The following CRISPLD2 variants were observed in gnomAD, a reference collection of about 807,000 sequenced individuals.
The protein encoded by CRISPLD2 is cysteine-rich secretory protein LCCL domain-containing 2.
Under a neutral mutation model 71.1 loss-of-function variants are expected in CRISPLD2, and 47 were observed. That is an observed-to-expected ratio of 0.66 (90% confidence interval 0.52 to 0.84). The LOEUF (loss-of-function observed/expected upper bound fraction) is 0.84. Among genes scored for constraint, CRISPLD2 ranks in the 40% least tolerant of loss-of-function variants. The pLI is 0.00. For missense variants in CRISPLD2, 830 were observed against 651.1 expected (o/e 1.27, Z -2.99); for synonymous variants, 317 against 250.1 (o/e 1.27, Z -2.52).
At chr16:84,828,959 C>G (rs1009485025) in intron 1 of CRISPLD2, 1 of 152,058 alleles carries the variant, frequency 6.6e-6, no homozygotes. Context: ...CCTGTAGTCC[C>G]AGCTACTCGG....
intron 11 of CRISPLD2, among the ~76,000 whole-genome samples, chr16:84,875,356 C>T (rs1212952490): frequency 1.3e-5 from 2 of 150,180 alleles, no homozygotes; most frequent in Admixed American, 6.6e-5. Context: ...CCCAGGACGA[C>T]TCTGAATGTG....
chr16:84,825,616 C>T (rs1331837576), intron 1 of CRISPLD2, among the ~76,000 whole-genome samples: 3 of 151,946 alleles, frequency 2.0e-5, no homozygotes, highest in Admixed American at 2.0e-4. Context: ...ATTAGCTAGG[C>T]GTGGTGGTGC....
At chr16:84,875,420 T>C (rs1036701691) in intron 11 of CRISPLD2, among the ~76,000 whole-genome samples, 2 of 149,582 alleles carry the variant, frequency 1.3e-5, no homozygotes, top group Non-Finnish European at 3.0e-5. Flanking sequence ...TGGACTTTTT[T>C]TTTTTTTTTT....
chr16:84,894,049 C>CG (rs2071685040), intron 14 of CRISPLD2, among the ~76,000 whole-genome samples: 1 of 152,342 alleles, frequency 6.6e-6, no homozygotes, highest in African/African-American at 2.4e-5. Flanking sequence ...TCTCAGCACA[C>CG]GGGGCCGAAG....
chr16:84,840,400 A>C (rs1374892404), intron 2 of CRISPLD2, among the ~76,000 whole-genome samples: 5 of 152,272 alleles, frequency 3.3e-5, no homozygotes, highest in African/African-American at 1.2e-4. Flanking sequence ...GGACTTGTAC[A>C]AACCACACAG....
chr16:84,873,267 C>G, intron 10 of CRISPLD2, 145 bp downstream of exon 10: 1 of 893,234 alleles, frequency 1.1e-6, no homozygotes, highest in Non-Finnish European at 1.7e-6. Context: ...CACCTGAGGT[C>G]AGGAGTTCAA....
intron 13 of CRISPLD2, among the ~76,000 whole-genome samples, chr16:84,884,392 G>A (rs191268238): frequency 1.3e-3 from 191 of 152,324 alleles, no homozygotes; most frequent in Non-Finnish European, 2.6e-4. Context: ...ATAGAACAAA[G>A]ACATGTAAAG....
intron 8 of CRISPLD2, 48 bp from the exon 9 acceptor site, chr16:84,872,394 T>C (rs573913693): frequency 6.9e-7 from 1 of 1,443,224 alleles, no homozygotes. Context: ...TTGTGAGATG[T>C]AATCAACGTG....
intron 2 of CRISPLD2, among the ~76,000 whole-genome samples, chr16:84,843,689 A>G (rs998950394): frequency 6.7e-6 from 1 of 149,624 alleles, no homozygotes; most frequent in Non-Finnish European, 1.5e-5. Flanking sequence ...AGTATATTGC[A>G]CAGTCAGCAT....
rs1031968488 is a variant in CRISPLD2, at chr16:84,906,905, T to C, written c.*263T>C. The stretch of plus-strand genomic sequence containing the variant: ...CTCCATCTGGACGTCCTCTCTCCTT[T>C]AGAGATCTGAGCTGTCTCTTAAAGG... On this transcript the variant is annotated 3_prime_UTR_variant, in exon 15 of 15. Coordinates refer to ENST00000262424, the MANE Select transcript of CRISPLD2 (RefSeq NM_031476.4). 2 of 552,080 alleles carry C rather than the reference T, an allele frequency of 3.6e-6. No individual in the cohort carries two copies. The highest frequency in any genetic ancestry group is 3.1e-5 in the Admixed American group (1 of 32,558). 34.2% of individuals were successfully genotyped at this position (552,080 alleles called of 1,614,324 possible). A position where few individuals can be genotyped will look rare whatever the true frequency, so the allele number is the denominator to read the frequency against.
intron 6 of CRISPLD2, among the ~76,000 whole-genome samples, chr16:84,856,789 G>A (rs745346764): frequency 6.6e-6 from 1 of 152,148 alleles, no homozygotes; most frequent in Non-Finnish European, 1.5e-5. Flanking sequence ...GAATGTTGGG[G>A]AACATGGTAA....
Position 84,904,602 on chromosome 16 carries a change from A to AC in CRISPLD2, c.1440-1986_1440-1985insC, listed in dbSNP as rs36123529. The stretch of plus-strand genomic sequence containing the variant: ...CGGTCTCAAAAAAAGGTAAAAAAAA[A>AC]AATTTAAAAAAAAAATTAAAAAAAA... On this transcript the variant is annotated intron_variant, in intron 14 of 14. Transcript: ENST00000262424. Among the ~76,000 whole-genome samples the AC allele has an allele frequency of 2.6e-3, 372 of 145,822 alleles. 1 individual carries two copies. Among genetic ancestry groups the AC allele is most frequent in the African/African-American group, 5.6e-3 (219 of 39,114 alleles).
chr16:84,843,362 T>C (rs1916827859), intron 2 of CRISPLD2, among the ~76,000 whole-genome samples: 1 of 152,208 alleles, frequency 6.6e-6, no homozygotes, highest in South Asian at 2.1e-4. Flanking sequence ...TGCTCAACCC[T>C]GCCTGCTGTG....
intron 3 of CRISPLD2, among the ~76,000 whole-genome samples, chr16:84,848,421 C>G (rs113626769): frequency 2.6e-5 from 4 of 151,296 alleles, no homozygotes; most frequent in Middle Eastern, 3.4e-3. Context: ...GACAGTGTGA[C>G]TGTGGACTTG....
intron 12 of CRISPLD2, among the ~76,000 whole-genome samples, chr16:84,879,709 C>G (rs988032994): frequency 6.6e-6 from 1 of 151,948 alleles, no homozygotes; most frequent in African/African-American, 2.4e-5. Context: ...TCTCTACCCA[C>G]TCATTTCCCT....
chr16:84,841,805 G>A (rs1360183555), intron 2 of CRISPLD2, among the ~76,000 whole-genome samples: 5 of 152,178 alleles, frequency 3.3e-5, no homozygotes, highest in African/African-American at 9.7e-5. Context: ...ATGTTGGCCA[G>A]GCTGGTCTCA....
chr16:84,909,174 A>C lies in CRISPLD2; in HGVS notation c.*2532A>C, dbSNP rs539348114. ...TTTAAAAAGATCTTGTACCAAGCCA[A>C]CGGCGTTCCTGGCTCTCCTGCCCAC... On this transcript the variant is annotated 3_prime_UTR_variant, in exon 15 of 15. Transcript: ENST00000262424. The C allele has an allele frequency of 6.6e-6, 1 of 152,654 alleles. No individual in the cohort carries two copies. Among genetic ancestry groups the C allele is most frequent in the African/African-American group, 2.4e-5 (1 of 41,452 alleles). 9.5% of individuals were successfully genotyped at this position (152,654 alleles called of 1,614,324 possible). A position where few individuals can be genotyped will look rare whatever the true frequency, so the allele number is the denominator to read the frequency against.
At chr16:84,903,303 G>T (rs961210001) in intron 14 of CRISPLD2, among the ~76,000 whole-genome samples, 4 of 151,718 alleles carry the variant, frequency 2.6e-5, no homozygotes, top group Non-Finnish European at 5.9e-5. Flanking sequence ...ATTCCGGAAA[G>T]TATCCTTAGA....
At position 84,845,918 on chromosome 16, in the gene CRISPLD2, G is replaced by A. The variant is rs1317419212; in HGVS notation, c.359+14G>A. 1 of 1,558,256 alleles carries A rather than the reference G, an allele frequency of 6.4e-7. No homozygotes were observed. Among genetic ancestry groups the A allele is most frequent in the Non-Finnish European group, 8.8e-7 (1 of 1,130,842 alleles). On this transcript the variant is annotated intron_variant, in intron 3 of 14. Transcript: ENST00000262424. ...TCACTGGGGCAGGTAAGAGCCACAAGTTCCTCTCCGGCTGCCGCAGGACCC... is the reference window on the plus strand; with the variant it reads ...TCACTGGGGCAGGTAAGAGCCACAAATTCCTCTCCGGCTGCCGCAGGACCC...
Sources: gnomAD v4.1 joint callset for allele counts (sites outside exome capture counted in the v4.1 genomes callset) on GRCh38, gnomAD v4.1.1 for gene constraint, MANE v1.5 for transcripts, NCBI Gene and HGNC (gene_info 2026-07-23, HGNC 2026-07-21) for gene names.